The following PLEKHA6 variants were observed in gnomAD, a reference collection of about 807,000 sequenced individuals.
PLEKHA6 encodes the protein pleckstrin homology domain-containing family A member 6.
In PLEKHA6, 60 loss-of-function variants were observed where a neutral mutation model predicts 116.7. The observed-to-expected ratio is 0.51, with a 90% CI of 0.42 to 0.64. PLEKHA6 has a LOEUF of 0.64. Ranked by LOEUF, PLEKHA6 falls within the 30% of genes least tolerant of loss-of-function variation. The pLI, the probability that PLEKHA6 is intolerant of heterozygous loss-of-function variation, is 0.00. For missense variants in PLEKHA6, 1,338 were observed against 1,422.7 expected (o/e 0.94, Z 0.96); for synonymous variants, 489 against 556.1 (o/e 0.88, Z 1.70).
At chr1:204,244,364 A>G (rs1663328014) in intron 15 of PLEKHA6, among the ~76,000 whole-genome samples, 1 of 149,716 alleles carries the variant, frequency 6.7e-6, no homozygotes, top group African/African-American at 2.5e-5. Flanking sequence ...GACAGTCTCT[A>G]TATCCTGACC....
intron 1 of PLEKHA6, among the ~76,000 whole-genome samples, chr1:204,280,618 G>A (rs936156809): frequency 2.6e-5 from 4 of 152,142 alleles, no homozygotes; most frequent in African/African-American, 9.7e-5. Context: ...TGGAAAGGGG[G>A]TCCCATCCCT....
intron 1 of PLEKHA6, among the ~76,000 whole-genome samples, chr1:204,377,204 G>A (rs1322031889): frequency 1.3e-5 from 2 of 152,140 alleles, no homozygotes; most frequent in African/African-American, 2.4e-5. Flanking sequence ...CTTCCCATAG[G>A]AAAGTCTCGG....
chr1:204,319,155 G>A (rs1449695699), intron 1 of PLEKHA6, among the ~76,000 whole-genome samples: 1 of 152,222 alleles, frequency 6.6e-6, no homozygotes, highest in Non-Finnish European at 1.5e-5. Context: ...GAAAGAAGAC[G>A]GGAGTGGGCT....
intron 1 of PLEKHA6, chr1:204,309,655 CAA>C (rs1168026284): frequency 1.3e-6 from 1 of 790,002 alleles, no homozygotes; most frequent in African/African-American, 1.9e-5. Flanking sequence ...AATGTAGCCC[CAA>C]AATTAAGTAA....
intron 5 of PLEKHA6, among the ~76,000 whole-genome samples, chr1:204,265,708 A>C (rs1666714359): frequency 1.3e-5 from 2 of 152,144 alleles, no homozygotes; most frequent in Non-Finnish European, 1.5e-5. Flanking sequence ...ACTCTTTCTA[A>C]GGTTCTCCCT....
At chr1:204,331,958 A>G (rs1356922298) in intron 1 of PLEKHA6, among the ~76,000 whole-genome samples, 1 of 152,046 alleles carries the variant, frequency 6.6e-6, no homozygotes, top group African/African-American at 2.4e-5. Context: ...CAGCCTAGAA[A>G]GGTGTGCAGG....
Position 204,335,143 on chromosome 1 carries a change from G to A in PLEKHA6, c.-95+24551C>T, listed in dbSNP as rs116817826. ...TCACCTATCCAAGAAACAGACAGCG[G>A]CACTTTCCCACTGGATGCTTTCCTT... On this transcript the variant is annotated intron_variant, in intron 1 of 22. Coordinates refer to ENST00000272203, the MANE Select transcript of PLEKHA6 (RefSeq NM_014935.5). Among the ~76,000 whole-genome samples the A allele has an allele frequency of 9.9e-3, 1,512 of 152,000 alleles. 20 individuals carry two copies. The highest frequency in any genetic ancestry group is 0.033 in the African/African-American group (1,364 of 41,434).
At chr1:204,347,644 A>G (rs1266492125) in intron 1 of PLEKHA6, among the ~76,000 whole-genome samples, 1 of 151,856 alleles carries the variant, frequency 6.6e-6, no homozygotes, top group Non-Finnish European at 1.5e-5. Context: ...TGCAGTAAAG[A>G]CAGGCATAAG....
intron 1 of PLEKHA6, among the ~76,000 whole-genome samples, chr1:204,344,644 A>G (rs1158827131): frequency 6.6e-6 from 1 of 152,048 alleles, no homozygotes; most frequent in Non-Finnish European, 1.5e-5. Flanking sequence ...TATAGAGTCA[A>G]TTATAAAAAG....
intron 1 of PLEKHA6, among the ~76,000 whole-genome samples, chr1:204,346,241 T>C (rs950816079): frequency 6.6e-6 from 1 of 152,204 alleles, no homozygotes; most frequent in Non-Finnish European, 1.5e-5. Context: ...CTCAGCTGCT[T>C]TGTGACTAGA....
intron 1 of PLEKHA6, among the ~76,000 whole-genome samples, chr1:204,336,005 G>A (rs1053278416): frequency 6.6e-6 from 1 of 152,200 alleles, no homozygotes; most frequent in Non-Finnish European, 1.5e-5. Flanking sequence ...CTTCTCTAGT[G>A]TCAAGAAGGG....
At chr1:204,320,483 G>C (rs1434079535) in intron 1 of PLEKHA6, 1 of 983,702 alleles carries the variant, frequency 1.0e-6, no homozygotes, top group Non-Finnish European at 1.2e-6. Context: ...GGGGCTCTGA[G>C]AAGGCTTGGT....
upstream of PLEKHA6, chr1:204,377,665 TC>T (rs1194316191): frequency 6.6e-6 from 1 of 152,324 alleles, no homozygotes; most frequent in African/African-American, 2.4e-5. Flanking sequence ...TCATCGGCCA[TC>T]TCGGTGTCCC....
intron 13 of PLEKHA6, among the ~76,000 whole-genome samples, chr1:204,246,297 G>A (rs1663666143): frequency 6.6e-6 from 1 of 152,196 alleles, no homozygotes; most frequent in Admixed American, 6.5e-5. Context: ...GATAAGGGCA[G>A]CAGCTATCCC....
At position 204,222,283 on chromosome 1, in the gene PLEKHA6, G is replaced by A. The variant is rs1390545001; in HGVS notation, c.*505C>T. On this transcript the variant is annotated 3_prime_UTR_variant, in exon 23 of 23. Coordinates refer to ENST00000272203, the MANE Select transcript of PLEKHA6 (RefSeq NM_014935.5). ...AGCCCTGGGTCCAGCTGAGGCAGTA[G>A]GGTGGGGCTGACGAGGATAGGGATG... 2 of 152,912 alleles carry A rather than the reference G, an allele frequency of 1.3e-5. No homozygotes were observed. Among genetic ancestry groups the A allele is most frequent in the African/African-American group, 4.8e-5 (2 of 41,446 alleles). 9.5% of individuals were successfully genotyped at this position (152,912 alleles called of 1,614,324 possible). A position where few individuals can be genotyped will look rare whatever the true frequency, so the allele number is the denominator to read the frequency against.
chr1:204,310,459 A>C (rs1178879795), intron 1 of PLEKHA6, among the ~76,000 whole-genome samples: 1 of 152,160 alleles, frequency 6.6e-6, no homozygotes, highest in Non-Finnish European at 1.5e-5. Context: ...GGCCCAGTTC[A>C]CCAAAGTACC....
chr1:204,281,519 C>T (rs1176195705), intron 1 of PLEKHA6, among the ~76,000 whole-genome samples: 4 of 145,240 alleles, frequency 2.8e-5, no homozygotes, highest in African/African-American at 7.8e-5. Flanking sequence ...ACAGAGATTC[C>T]GTCTCAAAAA....
At chr1:204,377,128 G>A (rs141581807) in intron 1 of PLEKHA6, among the ~76,000 whole-genome samples, 5 of 152,316 alleles carry the variant, frequency 3.3e-5, no homozygotes, top group Admixed American at 2.0e-4. Context: ...TGAGTCTGGG[G>A]CGAGGGTTGC....
At chr1:204,324,617 T>A (rs939682844) in intron 1 of PLEKHA6, among the ~76,000 whole-genome samples, 1 of 152,162 alleles carries the variant, frequency 6.6e-6, no homozygotes, top group African/African-American at 2.4e-5. Context: ...GGGATACAAT[T>A]CAGAAGAAAT....
Sources: gnomAD v4.1 joint callset for allele counts (sites outside exome capture counted in the v4.1 genomes callset) on GRCh38, gnomAD v4.1.1 for gene constraint, MANE v1.5 for transcripts, NCBI Gene and HGNC (gene_info 2026-07-23, HGNC 2026-07-21) for gene names.